LYRM1: variants seen among roughly 807,000 people sequenced by gnomAD.
LYRM1 encodes the protein LYR motif-containing protein 1.
Under a neutral mutation model 14.9 loss-of-function variants are expected in LYRM1, and 14 were observed. That is an observed-to-expected ratio of 0.94 (90% CI 0.62 to 1.47). The LOEUF (loss-of-function observed/expected upper bound fraction) is 1.47. Ranked by LOEUF, LYRM1 falls within the 40% of genes most tolerant of loss-of-function variation. LYRM1 has a pLI of 0.00. For synonymous variants in LYRM1, 43 were observed against 56.2 expected (o/e 0.77, Z 1.05); for missense variants, 153 against 149.9 (o/e 1.02, Z -0.11).
At chr16:20,910,643 G>T (rs567075940) in intron 1 of LYRM1, among the ~76,000 whole-genome samples, 2 of 152,240 alleles carry the variant, frequency 1.3e-5, no homozygotes, top group Non-Finnish European at 2.9e-5. Flanking sequence ...TTGTTGTGGC[G>T]CACGCCTGAG....
In LYRM1 at chr16:20,923,357, G is replaced by A. The variant is rs1403684972; in HGVS notation, c.253-643G>A. ...TCTATTAAAAATACAAAAATTAGCC[G>A]GGCGTGGTGGCGAGCACCTATAATC... On this transcript the variant is annotated intron_variant, in intron 3 of 3. Transcript: ENST00000567954. Among the ~76,000 whole-genome samples the A allele has an allele frequency of 3.9e-4, 59 of 151,750 alleles. 1 individual carries two copies. Among genetic ancestry groups the A allele is most frequent in the Non-Finnish European group, 2.8e-4 (19 of 67,950 alleles).
At chr16:20,917,522 G>A (rs966069414) in intron 2 of LYRM1, among the ~76,000 whole-genome samples, 4 of 152,162 alleles carry the variant, frequency 2.6e-5, no homozygotes, top group Non-Finnish European at 5.9e-5. Flanking sequence ...CACTTTGGGA[G>A]GCTGAGGCTG....
upstream of LYRM1, chr16:20,900,090 T>A (rs951810355): frequency 1.3e-5 from 2 of 151,978 alleles, no homozygotes; most frequent in African/African-American, 4.8e-5. Context: ...GACAACGCGC[T>A]GACTTCCACT....
chr16:20,915,808 C>A, intron 2 of LYRM1, 94 bp downstream of exon 2: 1 of 1,364,220 alleles, frequency 7.3e-7, no homozygotes, highest in Non-Finnish European at 1.0e-6. Context: ...AGGGCTGAGC[C>A]GCACAGTCAT....
At chr16:20,900,140 C>G (rs1191553639), upstream of LYRM1, 2 of 134,340 alleles carry the variant, frequency 1.5e-5, no homozygotes, top group Admixed American at 1.5e-4. Context: ...TACCCAACCC[C>G]CGCCCCTTCA....
rs1324080474 is a variant in LYRM1, at chr16:20,924,630, A to G, written c.*514A>G. 6.6e-6 allele frequency: 1 copy of G among 152,372 alleles called. No homozygotes were observed. Among genetic ancestry groups the G allele is most frequent in the Admixed American group, 6.5e-5 (1 of 15,310 alleles). 9.4% of individuals were successfully genotyped at this position (152,372 alleles called of 1,614,324 possible). On this transcript the variant is annotated 3_prime_UTR_variant, in exon 4 of 4. Transcript: ENST00000567954. ...CAGACAAACTTGTCTTAAAAAGTGCATCATTGGATTGACCATGGTTTTTCA... is the reference window on the plus strand; with the variant it reads ...CAGACAAACTTGTCTTAAAAAGTGCGTCATTGGATTGACCATGGTTTTTCA...
chr16:20,905,669 C>T (rs2082283275), intron 1 of LYRM1, among the ~76,000 whole-genome samples: 1 of 152,184 alleles, frequency 6.6e-6, no homozygotes, highest in Non-Finnish European at 1.5e-5. Flanking sequence ...TGGTTCTAAA[C>T]TTCATGGAAA....
intron 1 of LYRM1, among the ~76,000 whole-genome samples, chr16:20,908,848 C>A (rs2082448127): frequency 1.3e-5 from 2 of 152,160 alleles, no homozygotes; most frequent in South Asian, 4.1e-4. Context: ...AAGACTCAGC[C>A]AAGACAGACA....
chr16:20,908,061 A>G (rs564427459), intron 1 of LYRM1, among the ~76,000 whole-genome samples: 105 of 152,292 alleles, frequency 6.9e-4, no homozygotes, highest in Non-Finnish European at 1.3e-3. Flanking sequence ...AAGGCCTACC[A>G]GGTAGTAGCA....
chr16:20,915,263 G>A (rs1233432035), intron 1 of LYRM1, among the ~76,000 whole-genome samples: 1 of 152,076 alleles, frequency 6.6e-6, no homozygotes, highest in Non-Finnish European at 1.5e-5. Context: ...ACGAGGTCAG[G>A]AGATCGAGAC....
intron 1 of LYRM1, among the ~76,000 whole-genome samples, chr16:20,907,356 C>T (rs779225722): frequency 6.6e-6 from 1 of 152,074 alleles, no homozygotes; most frequent in Non-Finnish European, 1.5e-5. Flanking sequence ...CATTCATGTT[C>T]ATCTTTTTTA....
chr16:20,900,577 A>G (rs1428264940), upstream of LYRM1: 1 of 152,224 alleles, frequency 6.6e-6, no homozygotes, highest in Non-Finnish European at 1.5e-5. Context: ...GCTGGGCTGG[A>G]CCATTTTTTT....
chr16:20,923,875 A>G (rs1314724388), intron 3 of LYRM1, 125 bp from the exon 4 acceptor site: 2 of 575,842 alleles, frequency 3.5e-6, no homozygotes, highest in Middle Eastern at 3.8e-4. Context: ...TTGTGTAAAG[A>G]TTAATGAATC....
intron 1 of LYRM1, among the ~76,000 whole-genome samples, chr16:20,915,317 A>G (rs1025164142): frequency 1.3e-5 from 2 of 151,994 alleles, no homozygotes; most frequent in Non-Finnish European, 2.9e-5. Flanking sequence ...AAAATTAGCC[A>G]GGCGTGGTGG....
chr16:20,923,937 CAG>C (rs2083335768), intron 3 of LYRM1, 61 bp from the exon 4 acceptor site: 2 of 876,980 alleles, frequency 2.3e-6, no homozygotes, highest in South Asian at 3.0e-5. Flanking sequence ...AGTAGATCCT[CAG>C]TGAATATGAG....
intron 1 of LYRM1, 87 bp from the exon 2 acceptor site, chr16:20,915,469 A>C: frequency 7.5e-7 from 1 of 1,331,568 alleles, no homozygotes; most frequent in South Asian, 1.4e-5. Flanking sequence ...CAAAAAAAAA[A>C]AAAAAAAACT....
At chr16:20,920,434 T>C (rs2083131467) in intron 3 of LYRM1, 2 of 504,806 alleles carry the variant, frequency 4.0e-6, no homozygotes, top group Admixed American at 7.4e-5. Flanking sequence ...TTTCCACGTA[T>C]GGAAGGGAAA....
chr16:20,900,260 G>A (rs1228202057), upstream of LYRM1: 1 of 150,776 alleles, frequency 6.6e-6, no homozygotes, highest in Non-Finnish European at 1.5e-5. Flanking sequence ...GCGGCCCGGC[G>A]GGTCCAAACC....
At position 20,904,691 on chromosome 16, in the gene LYRM1, T is replaced by TTTTGTGTGTGTGTGTGTGTG. The variant is rs148224628; in HGVS notation, c.-1+3803_-1+3804insTTGTGTGTGTGTGTGTGTGT. ...TCTGAAACAGGAAATAAGTCTGTGG[T>TTTTGTGTGTGTGTGTGTGTG]TGTGTGTGTGTGTGTGTGTGTGTGT... On this transcript the variant is annotated intron_variant, in intron 1 of 3. Transcript: ENST00000567954. Among the ~76,000 whole-genome samples, 1,213 of 141,114 alleles carry TTTTGTGTGTGTGTGTGTGTG rather than the reference T, an allele frequency of 8.6e-3. 13 individuals carry two copies. The highest frequency in any genetic ancestry group is 0.013 in the East Asian group (62 of 4,794). The allele number at this position is 141,114 out of a possible 152,430, so 92.6% of individuals were successfully genotyped here. A position where few individuals can be genotyped will look rare whatever the true frequency, so the allele number is the denominator to read the frequency against.
Sources: gnomAD v4.1 joint callset for allele counts (sites outside exome capture counted in the v4.1 genomes callset) on GRCh38, gnomAD v4.1.1 for gene constraint, MANE v1.5 for transcripts, NCBI Gene and HGNC (gene_info 2026-07-23, HGNC 2026-07-21) for gene names.